Variants in LACTB2 observed in about 807,000 individuals in gnomAD.
The protein encoded by LACTB2 is endoribonuclease LACTB2.
LACTB2 carries 32 observed loss-of-function variants against 34.8 expected under a neutral mutation model. The observed-to-expected ratio is 0.92, with a 90% CI of 0.69 to 1.24. The LOEUF is 1.24. LACTB2 is among the 50% of genes most tolerant of loss of function. The pLI is 0.00. For missense variants in LACTB2, 320 were observed against 345.0 expected, an observed-to-expected ratio of 0.93 and a Z score of 0.57; for synonymous variants, 120 against 117.5, an observed-to-expected ratio of 1.02 and a Z score of -0.14.
chr8:70,665,474 T>C (rs540996655), intron 1 of LACTB2, among the ~76,000 whole-genome samples: 3 of 152,322 alleles, frequency 2.0e-5, no homozygotes, highest in Admixed American at 2.0e-4. Context: ...TCTTATAAAA[T>C]CATTAGATAT....
At position 70,646,728 on chromosome 8, in the gene LACTB2, TAAAC is replaced by T. The variant is rs1311647471; in HGVS notation, c.414-2489_414-2486del. ...GTAACTATGCCAACAATAAACCAGA[TAAAC>T]AAAAAGCTGAGTTCAAATAATCTGT... On this transcript the variant is annotated intron_variant, in intron 3 of 6. Coordinates refer to ENST00000276590, the MANE Select transcript of LACTB2 (RefSeq NM_016027.3). The T allele has an allele frequency of 2.0e-5, 3 of 152,210 alleles. 1 individual carries two copies. The highest frequency in any genetic ancestry group is 2.0e-4 in the Admixed American group (3 of 15,282). 9.4% of individuals were successfully genotyped at this position (152,210 alleles called of 1,614,324 possible). A position where few individuals can be genotyped will look rare whatever the true frequency, so the allele number is the denominator to read the frequency against.
chr8:70,668,680 C>T (rs1395687003), intron 1 of LACTB2, among the ~76,000 whole-genome samples: 1 of 151,468 alleles, frequency 6.6e-6, no homozygotes, highest in Non-Finnish European at 1.5e-5. Context: ...CGAATTTTCT[C>T]AACAGTTTAA....
intron 4 of LACTB2, among the ~76,000 whole-genome samples, chr8:70,642,482 T>C (rs1221494797): frequency 1.3e-5 from 2 of 151,448 alleles, no homozygotes; most frequent in African/African-American, 4.9e-5. Flanking sequence ...GGCCTTTTTA[T>C]TGGGTCCTGT....
chr8:70,663,897 C>A (rs1342376737), intron 1 of LACTB2, among the ~76,000 whole-genome samples: 1 of 152,144 alleles, frequency 6.6e-6, no homozygotes, highest in African/African-American at 2.4e-5. Flanking sequence ...CCCTTCAGGG[C>A]AGAAAGCTTG....
intron 3 of LACTB2, among the ~76,000 whole-genome samples, chr8:70,656,543 G>A (rs1046833742): frequency 6.6e-6 from 1 of 152,072 alleles, no homozygotes; most frequent in African/African-American, 2.4e-5. Context: ...TGGTGTATGT[G>A]ACTATTTTAT....
intron 5 of LACTB2, 120 bp downstream of exon 5, chr8:70,640,781 CA>C: frequency 2.5e-6 from 3 of 1,182,662 alleles, no homozygotes; most frequent in Non-Finnish European, 3.3e-6. Flanking sequence ...CTGCTGGTCT[CA>C]AATCTAGAAA....
rs1042240402 is a variant in LACTB2, at chr8:70,662,022, A to C, written c.123-125T>G. The C allele has an allele frequency of 9.4e-6, 7 of 746,564 alleles. No individual in the cohort carries two copies. In the Admixed American group the frequency reaches 2.0e-4, roughly 22 times the overall value. 46.2% of individuals were successfully genotyped at this position (746,564 alleles called of 1,614,324 possible). On this transcript the variant is annotated intron_variant, in intron 1 of 6. Coordinates refer to ENST00000276590, the MANE Select transcript of LACTB2 (RefSeq NM_016027.3). ...TATTTTACTTTTAACATGCACAAAAACCAGCTACATCACTTCAGCTTAACT... is the reference window on the plus strand; with the variant it reads ...TATTTTACTTTTAACATGCACAAAACCCAGCTACATCACTTCAGCTTAACT...
At position 70,651,936 on chromosome 8, in the gene LACTB2, GACTTTGT is replaced by G. The variant is rs1207579529; in HGVS notation, c.413+5813_413+5819del. ...GTTCTGTTACTTCTGTGATAGAGTGGACTTTGTAAGGATGACTCTCTTAGAGAATTCA... is the reference window on the plus strand; with the variant it reads ...GTTCTGTTACTTCTGTGATAGAGTGGAAGGATGACTCTCTTAGAGAATTCA... On this transcript the variant is annotated intron_variant, in intron 3 of 6. Coordinates refer to ENST00000276590, the MANE Select transcript of LACTB2 (RefSeq NM_016027.3). The G allele has an allele frequency of 2.6e-5, 4 of 152,280 alleles. No homozygotes were observed. The East Asian group carries it at 7.7e-4, about 29-fold the overall frequency. 9.4% of individuals were successfully genotyped at this position (152,280 alleles called of 1,614,324 possible).
intron 1 of LACTB2, 83 bp downstream of exon 1, chr8:70,668,916 A>G (rs937755831): frequency 6.5e-6 from 10 of 1,528,440 alleles, no homozygotes; most frequent in Non-Finnish European, 7.9e-6. Flanking sequence ...GGCGCTCTCC[A>G]CTGCCCGCGC....
At position 70,644,059 on chromosome 8, in the gene LACTB2, A is replaced by AC; in HGVS notation, c.592+5dup. Reference sequence around the variant, plus strand: ...AAAAATATAAAAAAATTTAAAAATTACCCACCTGGATATATAATATCAGCT... The same window carrying AC: ...AAAAATATAAAAAAATTTAAAAATTACCCCACCTGGATATATAATATCAGCT... On this transcript the variant is annotated splice_donor_region_variant and intron_variant, in intron 4 of 6. Transcript: ENST00000276590. The AC allele has an allele frequency of 6.6e-7, 1 of 1,517,360 alleles. No individual in the cohort carries two copies. Among genetic ancestry groups the AC allele is most frequent in the Non-Finnish European group, 8.8e-7 (1 of 1,134,984 alleles). The allele number at this position is 1,517,360 out of a possible 1,614,324, so 94.0% of individuals were successfully genotyped here.
intron 3 of LACTB2, among the ~76,000 whole-genome samples, chr8:70,650,979 A>G (rs1311823451): frequency 6.6e-6 from 1 of 152,042 alleles, no homozygotes. Flanking sequence ...GGAGGAAACT[A>G]GTAAGTTCAT....
intron 5 of LACTB2, among the ~76,000 whole-genome samples, chr8:70,639,395 G>C (rs1389024223): frequency 6.9e-6 from 1 of 145,844 alleles, no homozygotes; most frequent in Non-Finnish European, 1.5e-5. Context: ...CCTGACCTCG[G>C]GTGATCCGCC....
At chr8:70,643,963 G>A in intron 4 of LACTB2, 102 bp downstream of exon 4, 1 of 1,212,732 alleles carries the variant, frequency 8.2e-7, no homozygotes, top group Non-Finnish European at 1.1e-6. Context: ...GAGGTGGGAG[G>A]ACTGCTTGAG....
At chr8:70,665,269 A>C (rs1170797400) in intron 1 of LACTB2, among the ~76,000 whole-genome samples, 2 of 152,218 alleles carry the variant, frequency 1.3e-5, no homozygotes, top group East Asian at 3.8e-4. Context: ...GTATGGATGA[A>C]TCTGTATAGG....
intron 3 of LACTB2, among the ~76,000 whole-genome samples, chr8:70,647,950 T>TAA (rs33927946): frequency 9.9e-5 from 15 of 151,664 alleles, no homozygotes; most frequent in Admixed American, 6.6e-4. Context: ...GACAATATAC[T>TAA]AAAAAAAAGT....
intron 3 of LACTB2, chr8:70,646,053 C>G (rs1041278786): frequency 6.6e-6 from 1 of 152,158 alleles, no homozygotes; most frequent in African/African-American, 2.4e-5. Flanking sequence ...AGTTCTAGAT[C>G]CCTGAGGAAT....
At chr8:70,639,504 A>G (rs1818169371) in intron 5 of LACTB2, among the ~76,000 whole-genome samples, 1 of 152,184 alleles carries the variant, frequency 6.6e-6, no homozygotes. Context: ...TTCAGTGTTT[A>G]GCATAATAAT....
intron 2 of LACTB2, chr8:70,660,972 G>A: frequency 4.4e-6 from 2 of 454,156 alleles, no homozygotes; most frequent in South Asian, 3.1e-5. Context: ...TAGAGACAGG[G>A]TCTTGCTATG....
At chr8:70,658,805 T>A (rs1373886904) in intron 2 of LACTB2, among the ~76,000 whole-genome samples, 1 of 152,020 alleles carries the variant, frequency 6.6e-6, no homozygotes, top group Non-Finnish European at 1.5e-5. Context: ...GGTGGGAGGA[T>A]CACGAGGTCA....
Sources: allele counts gnomAD v4.1 joint callset (sites outside exome capture counted in the v4.1 genomes callset), GRCh38; gene constraint gnomAD v4.1.1; transcripts MANE v1.5; gene names NCBI Gene and HGNC (gene_info 2026-07-23, HGNC 2026-07-21).